Variants in ESRRG observed in about 807,000 individuals in gnomAD.
ESRRG encodes estrogen related receptor gamma, also known as estrogen-related receptor gamma.
Under a neutral mutation model 44.0 loss-of-function variants are expected in ESRRG, and 13 were observed. That is an observed-to-expected ratio of 0.30 (90% confidence interval 0.19 to 0.47). ESRRG has a LOEUF of 0.47. Ranked by LOEUF, ESRRG falls within the 20% of genes least tolerant of loss-of-function variation. ESRRG has a pLI of 1.00. For synonymous variants in ESRRG, 215 were observed against 214.6 expected (o/e 1.00, Z -0.02); for missense variants, 395 against 580.6 (o/e 0.68, Z 3.29).
At chr1:216,940,942 A>G (rs1017721588) in intron 1 of ESRRG, among the ~76,000 whole-genome samples, 3 of 152,220 alleles carry the variant, frequency 2.0e-5, no homozygotes, top group East Asian at 1.9e-4. Flanking sequence ...AATTTCTTGC[A>G]TAAAGTGAGC....
chr1:216,667,685 C>CAAAAA (rs67275285), intron 2 of ESRRG, among the ~76,000 whole-genome samples: 20 of 66,202 alleles, frequency 3.0e-4, no homozygotes, highest in East Asian at 4.9e-4. Context: ...GACTCCATCT[C>CAAAAA]AAAAAAAAAA....
intron 1 of ESRRG, among the ~76,000 whole-genome samples, chr1:217,095,708 C>T (rs2092413536): frequency 6.6e-6 from 1 of 152,200 alleles, no homozygotes; most frequent in African/African-American, 2.4e-5. Flanking sequence ...TCTGGAACAT[C>T]CAGATTCCAC....
At chr1:217,050,311 G>A (rs2085679931) in intron 1 of ESRRG, among the ~76,000 whole-genome samples, 1 of 152,174 alleles carries the variant, frequency 6.6e-6, no homozygotes, top group Admixed American at 6.5e-5. Flanking sequence ...GGTTACACAT[G>A]AGAAAGATCT....
chr1:216,533,970 G>T (rs1240455238), intron 5 of ESRRG, among the ~76,000 whole-genome samples: 2 of 152,116 alleles, frequency 1.3e-5, no homozygotes, highest in Non-Finnish European at 2.9e-5. Flanking sequence ...TGGCTTTTAG[G>T]CACTAGGCTC....
chr1:216,506,180 A>T lies in ESRRG; in HGVS notation c.*759T>A, dbSNP rs1009258221. 1.6e-4 allele frequency: 24 copies of T among 153,548 alleles called. No homozygotes were observed. The highest frequency in any genetic ancestry group is 5.1e-4 in the African/African-American group (21 of 41,470). The allele number at this position is 153,548 out of a possible 1,614,324, so 9.5% of individuals were successfully genotyped here. A position where few individuals can be genotyped will look rare whatever the true frequency, so the allele number is the denominator to read the frequency against. ...GAAGCAGCCGATGCAACGTTGCTTAAGTTGTCTAATTAGAGGCTGCTCCCA... is the reference window on the plus strand; with the variant it reads ...GAAGCAGCCGATGCAACGTTGCTTATGTTGTCTAATTAGAGGCTGCTCCCA... On this transcript the variant is annotated 3_prime_UTR_variant, in exon 7 of 7. Transcript: ENST00000408911.
intron 1 of ESRRG, among the ~76,000 whole-genome samples, chr1:217,057,911 A>C (rs1338654934): frequency 2.6e-5 from 4 of 152,332 alleles, no homozygotes; most frequent in African/African-American, 9.6e-5. Flanking sequence ...TGGCCCAGGG[A>C]AGCCAAAAGA....
At chr1:216,971,006 C>A (rs957658774) in intron 1 of ESRRG, among the ~76,000 whole-genome samples, 1 of 152,182 alleles carries the variant, frequency 6.6e-6, no homozygotes, top group African/African-American at 2.4e-5. Context: ...GGGGGTGTGG[C>A]CCAGGGTGGG....
At chr1:216,715,016 C>T in intron 1 of ESRRG, 1 of 910,360 alleles carries the variant, frequency 1.1e-6, no homozygotes, top group Non-Finnish European at 1.3e-6. Context: ...ATTTGTTCCT[C>T]ACCTCCCTTT....
rs891129212 is a variant in ESRRG at position 216,667,288 on chromosome 1, G to A, written c.472+9788C>T. On this transcript the variant is annotated intron_variant, in intron 2 of 6. Coordinates refer to ENST00000408911, the MANE Select transcript of ESRRG (RefSeq NM_001438.4). ...GAGAATTTATTCCAGAATTACATCC[G>A]TATTTTTTTTGGATTCTAACATAGG... Among the ~76,000 whole-genome samples the A allele has an allele frequency of 1.3e-5, 2 of 152,256 alleles. 1 individual carries two copies. The highest frequency in any genetic ancestry group is 4.1e-4 in the South Asian group (2 of 4,826).
intron 1 of ESRRG, among the ~76,000 whole-genome samples, chr1:216,972,366 T>C (rs2071868288): frequency 6.6e-6 from 1 of 152,122 alleles, no homozygotes; most frequent in South Asian, 2.1e-4. Context: ...ATGGGACACC[T>C]AAGAATCACT....
chr1:217,132,493 G>C (rs2092979586), intron 1 of ESRRG, among the ~76,000 whole-genome samples: 1 of 152,166 alleles, frequency 6.6e-6, no homozygotes. Flanking sequence ...GGTCTGGGAT[G>C]GTTCAAGCTG....
chr1:216,519,927 T>C (rs936567792), intron 5 of ESRRG, among the ~76,000 whole-genome samples: 1 of 151,944 alleles, frequency 6.6e-6, no homozygotes, highest in African/African-American at 2.4e-5. Flanking sequence ...TGTATAATAT[T>C]AATAATTACA....
At chr1:216,583,778 C>A (rs949546264) in intron 3 of ESRRG, among the ~76,000 whole-genome samples, 1 of 152,146 alleles carries the variant, frequency 6.6e-6, no homozygotes, top group African/African-American at 2.4e-5. Flanking sequence ...GCTGGAAAAG[C>A]CTGACAATCA....
chr1:216,830,094 G>A (rs1386336852), intron 2 of ESRRG, among the ~76,000 whole-genome samples: 1 of 152,132 alleles, frequency 6.6e-6, no homozygotes, highest in African/African-American at 2.4e-5. Flanking sequence ...AACTTTTAAT[G>A]CGGGCCTACA....
chr1:216,831,003 G>A (rs945645658), intron 2 of ESRRG, among the ~76,000 whole-genome samples: 2 of 151,848 alleles, frequency 1.3e-5, no homozygotes, highest in Non-Finnish European at 2.9e-5. Context: ...GGGGAGGAGA[G>A]GAAGGAAAGG....
At chr1:216,524,412 T>G (rs1435420564) in intron 5 of ESRRG, among the ~76,000 whole-genome samples, 1 of 151,468 alleles carries the variant, frequency 6.6e-6, no homozygotes, top group African/African-American at 2.4e-5. Flanking sequence ...TCAGAAGCAT[T>G]TTATTTAAAA....
chr1:216,782,909 C>CT (rs1278795114), intron 2 of ESRRG, among the ~76,000 whole-genome samples: 6 of 152,020 alleles, frequency 3.9e-5, no homozygotes, highest in Non-Finnish European at 7.4e-5. Context: ...GGTATTCAAT[C>CT]TTTTGAATCA....
chr1:216,711,694 G>T (rs1321190949), intron 1 of ESRRG, among the ~76,000 whole-genome samples: 6 of 152,090 alleles, frequency 3.9e-5, no homozygotes, highest in Non-Finnish European at 5.9e-5. Flanking sequence ...TTTATACTTG[G>T]CAGCTCTGTA....
At chr1:216,732,871 T>C (rs1275273727) in intron 2 of ESRRG, among the ~76,000 whole-genome samples, 1 of 148,616 alleles carries the variant, frequency 6.7e-6, no homozygotes, top group East Asian at 2.1e-4. Context: ...AGGGGGACTC[T>C]TGTGGTCTCA....
Sources: gnomAD v4.1 joint callset for allele counts (sites outside exome capture counted in the v4.1 genomes callset) on GRCh38, gnomAD v4.1.1 for gene constraint, MANE v1.5 for transcripts, NCBI Gene and HGNC (gene_info 2026-07-23, HGNC 2026-07-21) for gene names.